The following GMDS variants were observed in gnomAD, a reference collection of about 807,000 sequenced individuals.
GMDS encodes the protein GDP-mannose 4,6-dehydratase, also known as GDP-mannose 4,6 dehydratase.
A neutral mutation model predicts 49.9 loss-of-function variants in GMDS; 20 were observed. The ratio of observed to expected loss-of-function variants is 0.40; its 90% CI spans 0.28 to 0.58. The LOEUF is 0.58. Among genes scored for constraint, GMDS ranks in the 20% least tolerant of loss-of-function variants. The probability of loss-of-function intolerance (pLI) is 0.42; values close to 1 mark genes in which losing one functional copy is unlikely to be tolerated. For missense variants in GMDS, 362 were observed against 481.4 expected (o/e 0.75, Z 2.32); for synonymous variants, 177 against 178.6 (o/e 0.99, Z 0.07).
intron 4 of GMDS, among the ~76,000 whole-genome samples, chr6:2,075,324 G>T (rs1278308131): frequency 2.6e-5 from 4 of 151,954 alleles, no homozygotes; most frequent in Non-Finnish European, 4.4e-5. Flanking sequence ...ACAATGTGCA[G>T]GTTTGTTACA....
At chr6:2,163,526 A>G (rs1204459920) in intron 1 of GMDS, among the ~76,000 whole-genome samples, 1 of 152,172 alleles carries the variant, frequency 6.6e-6, no homozygotes, top group Non-Finnish European at 1.5e-5. Flanking sequence ...TAAGCTGTAG[A>G]CCCAGGAGAG....
At chr6:2,089,268 G>C (rs1024208345) in intron 4 of GMDS, among the ~76,000 whole-genome samples, 1 of 152,118 alleles carries the variant, frequency 6.6e-6, no homozygotes, top group Non-Finnish European at 1.5e-5. Flanking sequence ...TGTGAGAAGA[G>C]ACTTAATTAG....
intron 7 of GMDS, among the ~76,000 whole-genome samples, chr6:1,839,182 T>C (rs544938704): frequency 7.2e-4 from 109 of 152,284 alleles, no homozygotes; most frequent in Non-Finnish European, 1.3e-3. Flanking sequence ...TCTACATTTG[T>C]TTTAGTGATT....
chr6:1,852,710 G>T (rs74909517), intron 7 of GMDS, among the ~76,000 whole-genome samples: 1 of 148,030 alleles, frequency 6.8e-6, no homozygotes, highest in African/African-American at 2.6e-5. Flanking sequence ...CGTGGGATCC[G>T]ATTTTTTTTT....
chr6:2,065,173 C>G (rs551400745), intron 4 of GMDS, among the ~76,000 whole-genome samples: 1 of 152,154 alleles, frequency 6.6e-6, no homozygotes, highest in African/African-American at 2.4e-5. Context: ...ACTGACACCT[C>G]ACACAGCCTG....
chr6:1,904,567 G>A (rs1415025908), intron 7 of GMDS, among the ~76,000 whole-genome samples: 1 of 152,186 alleles, frequency 6.6e-6, no homozygotes, highest in Non-Finnish European at 1.5e-5. Flanking sequence ...TTTCCTTTCC[G>A]GCCAGGCTTT....
intron 6 of GMDS, among the ~76,000 whole-genome samples, chr6:1,947,448 TG>T (rs1361061090): frequency 2.6e-5 from 4 of 152,214 alleles, no homozygotes; most frequent in African/African-American, 9.6e-5. Flanking sequence ...TTACACTGTG[TG>T]GGCATTAGGG....
intron 7 of GMDS, among the ~76,000 whole-genome samples, chr6:1,804,386 G>A (rs1276836368): frequency 6.6e-6 from 1 of 152,242 alleles, no homozygotes; most frequent in African/African-American, 2.4e-5. Flanking sequence ...CCCATGTGGC[G>A]CACCCCGGCC....
chr6:2,007,709 G>A (rs138855205), intron 4 of GMDS, among the ~76,000 whole-genome samples: 1 of 152,022 alleles, frequency 6.6e-6, no homozygotes, highest in East Asian at 1.9e-4. Flanking sequence ...AATTTACTTG[G>A]TTTTCTCATA....
chr6:1,793,469 C>G (rs1332076242), intron 7 of GMDS, among the ~76,000 whole-genome samples: 1 of 152,136 alleles, frequency 6.6e-6, no homozygotes, highest in South Asian at 2.1e-4. Flanking sequence ...AGTTCATGAA[C>G]AAAAATCTGA....
chr6:1,736,763 T>C (rs542295971), intron 8 of GMDS, among the ~76,000 whole-genome samples: 56 of 152,320 alleles, frequency 3.7e-4, no homozygotes, highest in African/African-American at 1.3e-3. Context: ...TCTCCTGACT[T>C]TGCCCCTACA....
At chr6:1,822,328 T>C (rs539036908) in intron 7 of GMDS, among the ~76,000 whole-genome samples, 1 of 152,354 alleles carries the variant, frequency 6.6e-6, no homozygotes, top group Non-Finnish European at 1.5e-5. Context: ...CAAACACATT[T>C]AGAAACTCAT....
chr6:1,627,718 T>C (rs898012402), intron 9 of GMDS, among the ~76,000 whole-genome samples: 2 of 152,190 alleles, frequency 1.3e-5, no homozygotes, highest in Non-Finnish European at 2.9e-5. Flanking sequence ...AAAGTGATGA[T>C]TTTATGTACA....
intron 4 of GMDS, among the ~76,000 whole-genome samples, chr6:2,111,949 G>A (rs1429805071): frequency 6.6e-6 from 1 of 152,158 alleles, no homozygotes; most frequent in Non-Finnish European, 1.5e-5. Context: ...GAGCCCTGGA[G>A]AGGTGAGGGA....
intron 7 of GMDS, among the ~76,000 whole-genome samples, chr6:1,823,649 T>C (rs978782193): frequency 1.3e-5 from 2 of 152,158 alleles, no homozygotes; most frequent in Non-Finnish European, 2.9e-5. Flanking sequence ...CCCCCTTCTT[T>C]TCCTTTTACA....
intron 7 of GMDS, among the ~76,000 whole-genome samples, chr6:1,834,494 T>A (rs1756832214): frequency 6.6e-6 from 1 of 152,194 alleles, no homozygotes; most frequent in Admixed American, 6.5e-5. Flanking sequence ...CAACTCCCTT[T>A]CATTAAATAA....
intron 4 of GMDS, among the ~76,000 whole-genome samples, chr6:2,075,924 T>C (rs1256970101): frequency 6.6e-6 from 1 of 152,126 alleles, no homozygotes; most frequent in Non-Finnish European, 1.5e-5. Flanking sequence ...ACCTGTTGTT[T>C]CCTGACTTTT....
At chr6:1,693,215 T>C (rs7744045) in intron 9 of GMDS, among the ~76,000 whole-genome samples, 19,529 of 152,250 alleles carry the variant, frequency 0.13, 1,693 homozygotes, top group Non-Finnish European at 0.18. Context: ...GAACATTCAG[T>C]ACTGTTCCCT....
At chr6:1,920,769 G>A (rs965628109) in intron 7 of GMDS, among the ~76,000 whole-genome samples, 2 of 152,330 alleles carry the variant, frequency 1.3e-5, no homozygotes, top group Non-Finnish European at 1.5e-5. Flanking sequence ...CAGGTGGGGA[G>A]CAGGGCAGGG....
Sources: allele counts gnomAD v4.1 joint callset (sites outside exome capture counted in the v4.1 genomes callset), GRCh38; gene constraint gnomAD v4.1.1; transcripts MANE v1.5; gene names NCBI Gene and HGNC (gene_info 2026-07-23, HGNC 2026-07-21).